The following ASTN2 variants were observed in gnomAD, a reference collection of about 807,000 sequenced individuals.
ASTN2 encodes the protein astrotactin-2.
ASTN2 carries 54 observed loss-of-function variants against 139.8 expected under a neutral mutation model. The observed-to-expected ratio is 0.39, with a 90% CI of 0.31 to 0.48. The LOEUF is 0.48. Ranked by LOEUF, ASTN2 falls within the 20% of genes least tolerant of loss-of-function variation. The pLI, the probability that ASTN2 is intolerant of heterozygous loss-of-function variation, is 0.95. For synonymous variants in ASTN2, 756 were observed against 719.5 expected (o/e 1.05, Z -0.81); for missense variants, 1,565 against 1,725.1 (o/e 0.91, Z 1.64).
At chr9:116,806,150 A>T (rs922525216) in intron 12 of ASTN2, among the ~76,000 whole-genome samples, 1 of 152,250 alleles carries the variant, frequency 6.6e-6, no homozygotes, top group African/African-American at 2.4e-5. Context: ...ACAGGGAATC[A>T]TCAACTAGTG....
intron 10 of ASTN2, among the ~76,000 whole-genome samples, chr9:116,969,228 T>C (rs1480144401): frequency 6.6e-6 from 1 of 152,210 alleles, no homozygotes; most frequent in Admixed American, 6.5e-5. Flanking sequence ...ATGAGGAACA[T>C]GAACTCAAGA....
intron 19 of ASTN2, among the ~76,000 whole-genome samples, chr9:116,534,842 C>G (rs796191666): frequency 6.6e-6 from 1 of 152,070 alleles, no homozygotes; most frequent in African/African-American, 2.4e-5. Context: ...ATTCTGTTGA[C>G]TTGGGGTGGA....
At chr9:116,933,979 C>CTTTCTTTTTTTTTTT (rs1834987075) in intron 10 of ASTN2, among the ~76,000 whole-genome samples, 1 of 86,910 alleles carries the variant, frequency 1.2e-5, no homozygotes, top group Non-Finnish European at 2.2e-5. Context: ...AGTGTTAGTC[C>CTTTCTTTTTTTTTTT]TTTTTTTTTT....
intron 19 of ASTN2, among the ~76,000 whole-genome samples, chr9:116,592,350 G>T (rs1387040737): frequency 1.3e-5 from 2 of 152,106 alleles, no homozygotes; most frequent in Non-Finnish European, 2.9e-5. Flanking sequence ...ATCTTACATG[G>T]TTGGAGCAGG....
intron 20 of ASTN2, among the ~76,000 whole-genome samples, chr9:116,466,783 T>C (rs563933880): frequency 6.6e-6 from 1 of 152,320 alleles, no homozygotes; most frequent in South Asian, 2.1e-4. Context: ...TGCTAAAAAC[T>C]TCCTTGTTCT....
intron 5 of ASTN2, among the ~76,000 whole-genome samples, chr9:117,057,757 C>T (rs1398872293): frequency 6.6e-6 from 1 of 152,154 alleles, no homozygotes; most frequent in Non-Finnish European, 1.5e-5. Flanking sequence ...CAGTAGTCAG[C>T]AGCTCGAGGC....
intron 19 of ASTN2, among the ~76,000 whole-genome samples, chr9:116,586,829 C>CACACACACACACACACACAT (rs1395117203): frequency 1.2e-5 from 1 of 80,838 alleles, no homozygotes; most frequent in Non-Finnish European, 2.5e-5. Context: ...CACACACATA[C>CACACACACACACACACACAT]ATACACACAC....
chr9:117,385,700 G>A (rs1210141037), intron 1 of ASTN2, among the ~76,000 whole-genome samples: 1 of 151,992 alleles, frequency 6.6e-6, no homozygotes, highest in Non-Finnish European at 1.5e-5. Context: ...CCCTAGGAAC[G>A]ACAGAGGGAA....
chr9:116,675,202 A>G (rs989744222), intron 16 of ASTN2, among the ~76,000 whole-genome samples: 1 of 152,158 alleles, frequency 6.6e-6, no homozygotes, highest in African/African-American at 2.4e-5. Flanking sequence ...TGCTGATCCA[A>G]TGTGCAAGGA....
intron 2 of ASTN2, among the ~76,000 whole-genome samples, chr9:117,277,942 A>G (rs758958019): frequency 6.6e-5 from 10 of 152,228 alleles, no homozygotes; most frequent in Non-Finnish European, 1.2e-4. Flanking sequence ...TAATCCCTCA[A>G]CTGTGGAAAA....
Position 117,344,468 on chromosome 9 carries a change from C to T in ASTN2, c.443-52955G>A, listed in dbSNP as rs115237581. 7.9e-3 allele frequency among the ~76,000 whole-genome samples: 1,200 copies of T among 152,198 alleles called. 16 individuals are homozygous for T. Among genetic ancestry groups the T allele is most frequent in the African/African-American group, 0.026 (1,093 of 41,536 alleles). Reference sequence around the variant, plus strand: ...TCCAGAAGGAAAAGTGTTGTATTAACGCTCAGTACCACAAACCACTTGGTA... The same window carrying T: ...TCCAGAAGGAAAAGTGTTGTATTAATGCTCAGTACCACAAACCACTTGGTA... On this transcript the variant is annotated intron_variant, in intron 1 of 22. Transcript: ENST00000313400.
intron 17 of ASTN2, among the ~76,000 whole-genome samples, chr9:116,637,737 A>C (rs1433776860): frequency 1.3e-5 from 2 of 152,316 alleles, no homozygotes; most frequent in East Asian, 3.9e-4. Flanking sequence ...CCAGCTGTTC[A>C]AGACAAGCCT....
intron 2 of ASTN2, among the ~76,000 whole-genome samples, chr9:117,225,574 T>TATATATACAC (rs371374987): frequency 2.6e-5 from 2 of 77,946 alleles, no homozygotes; most frequent in Admixed American, 3.3e-4. Flanking sequence ...TATATATATA[T>TATATATACAC]ACAGATGAAC....
chr9:117,334,977 C>T (rs1187009828), intron 1 of ASTN2, among the ~76,000 whole-genome samples: 1 of 152,168 alleles, frequency 6.6e-6, no homozygotes, highest in Non-Finnish European at 1.5e-5. Context: ...ATAGCTTGAA[C>T]CCGGTAGGCA....
At chr9:117,307,264 G>A (rs1054400494) in intron 1 of ASTN2, among the ~76,000 whole-genome samples, 5 of 152,152 alleles carry the variant, frequency 3.3e-5, no homozygotes, top group African/African-American at 1.2e-4. Flanking sequence ...GTTCACATAT[G>A]GCTGTTTCCT....
chr9:116,863,871 G>T, intron 10 of ASTN2, 138 bp from the exon 11 acceptor site: 1 of 1,003,328 alleles, frequency 1.0e-6, no homozygotes, highest in Non-Finnish European at 1.4e-6. Context: ...ATTATAAAAA[G>T]GAAACAACAA....
chr9:116,698,730 G>A lies in ASTN2; in HGVS notation c.2806+27041C>T. 6.2e-7 allele frequency: 1 copy of A among 1,614,182 alleles called. No individual in the cohort carries two copies. The highest frequency in any genetic ancestry group is 8.5e-7 in the Non-Finnish European group (1 of 1,180,040). ...TTTTAGAGAGATGGACATGAGCCCG[G>A]AGGAAGTGGTTGCCAGCCCTAGGGC... On this transcript the variant is annotated intron_variant, in intron 16 of 22. Coordinates refer to ENST00000313400, the MANE Select transcript of ASTN2 (RefSeq NM_001365068.1). The surrounding 1 kb of genome is among the most constrained non-coding windows in gnomAD (Gnocchi z 4.4).
At chr9:116,598,435 G>T (rs544687026) in intron 19 of ASTN2, among the ~76,000 whole-genome samples, 1 of 152,296 alleles carries the variant, frequency 6.6e-6, no homozygotes, top group East Asian at 1.9e-4. Flanking sequence ...AAAAGAGGGG[G>T]TTGGCTTAAC....
chr9:116,969,938 A>C (rs181546568), intron 10 of ASTN2, among the ~76,000 whole-genome samples: 1 of 152,314 alleles, frequency 6.6e-6, no homozygotes, highest in Admixed American at 6.5e-5. Context: ...TCCCTGGGCC[A>C]AAATCAAGGT....
Sources: gnomAD v4.1 joint callset for allele counts (sites outside exome capture counted in the v4.1 genomes callset) on GRCh38, gnomAD v4.1.1 for gene constraint, Gnocchi (gnomAD v3.1) non-coding constraint, MANE v1.5 for transcripts, NCBI Gene and HGNC (gene_info 2026-07-23, HGNC 2026-07-21) for gene names.